Variants in LRRTM4 observed in about 807,000 individuals in gnomAD.
The protein encoded by LRRTM4 is leucine-rich repeat transmembrane neuronal protein 4.
A neutral mutation model predicts 47.6 loss-of-function variants in LRRTM4; 25 were observed. The observed-to-expected ratio is 0.53, with a 90% CI of 0.38 to 0.73. The LOEUF is 0.73. Ranked by LOEUF, LRRTM4 falls within the 30% of genes least tolerant of loss-of-function variation. The probability of loss-of-function intolerance (pLI) is 0.00; values close to 1 mark genes in which losing one functional copy is unlikely to be tolerated. For missense variants in LRRTM4, 638 were observed against 713.4 expected (o/e 0.89, Z 1.20); for synonymous variants, 311 against 269.5 (o/e 1.15, Z -1.51).
chr2:76,919,558 G>A (rs750687154), intron 3 of LRRTM4, among the ~76,000 whole-genome samples: 1 of 152,088 alleles, frequency 6.6e-6, no homozygotes, highest in Non-Finnish European at 1.5e-5. Flanking sequence ...GTTTGAAGCT[G>A]CGGCCCTCAT....
At chr2:76,884,180 TTGAGA>T (rs1219263235) in intron 3 of LRRTM4, among the ~76,000 whole-genome samples, 3 of 152,168 alleles carry the variant, frequency 2.0e-5, no homozygotes, top group African/African-American at 4.8e-5. Flanking sequence ...GCTAGACTTC[TTGAGA>T]TATTTTCTCA....
intron 3 of LRRTM4, among the ~76,000 whole-genome samples, chr2:77,494,125 T>G (rs1334712053): frequency 1.3e-5 from 2 of 152,018 alleles, no homozygotes; most frequent in African/African-American, 4.8e-5. Context: ...CTGGGAGAAA[T>G]AGAGTATTTT....
intron 3 of LRRTM4, among the ~76,000 whole-genome samples, chr2:77,151,988 C>G: frequency 6.6e-6 from 1 of 151,976 alleles, no homozygotes; most frequent in Non-Finnish European, 1.5e-5. Flanking sequence ...CACATGTAGG[C>G]AAGAAGGATG....
intron 3 of LRRTM4, among the ~76,000 whole-genome samples, chr2:77,273,152 T>G (rs1358368661): frequency 6.6e-6 from 1 of 152,156 alleles, no homozygotes; most frequent in Non-Finnish European, 1.5e-5. Flanking sequence ...TATCCTTAAT[T>G]TAATGGAAGA....
At chr2:77,132,747 C>T (rs1251929802) in intron 3 of LRRTM4, among the ~76,000 whole-genome samples, 1 of 152,186 alleles carries the variant, frequency 6.6e-6, no homozygotes, top group Non-Finnish European at 1.5e-5. Flanking sequence ...AATGAATCAG[C>T]TCCTAAAGTC....
chr2:77,057,073 T>C (rs1202610466), intron 3 of LRRTM4, among the ~76,000 whole-genome samples: 1 of 152,246 alleles, frequency 6.6e-6, no homozygotes, highest in African/African-American at 2.4e-5. Flanking sequence ...GAGTACTGTA[T>C]GGTCTACAAA....
chr2:76,995,109 T>C (rs990242917), intron 3 of LRRTM4, among the ~76,000 whole-genome samples: 1 of 152,016 alleles, frequency 6.6e-6, no homozygotes, highest in Non-Finnish European at 1.5e-5. Flanking sequence ...TTTTGAAGTG[T>C]GCTCTGTAGA....
chr2:76,920,489 G>A (rs1047788995), intron 3 of LRRTM4, among the ~76,000 whole-genome samples: 2 of 152,038 alleles, frequency 1.3e-5, no homozygotes, highest in African/African-American at 2.4e-5. Flanking sequence ...CTGACATTGA[G>A]GTTTTAGTGA....
At chr2:77,052,392 C>G (rs1289120478) in intron 3 of LRRTM4, among the ~76,000 whole-genome samples, 1 of 151,860 alleles carries the variant, frequency 6.6e-6, no homozygotes, top group African/African-American at 2.4e-5. Context: ...TGGTCTCGAT[C>G]TCCTGACCTC....
intron 3 of LRRTM4, among the ~76,000 whole-genome samples, chr2:76,781,100 G>GA (rs1674359598): frequency 6.6e-6 from 1 of 152,272 alleles, no homozygotes; most frequent in African/African-American, 2.4e-5. Context: ...TGAGGAGGCA[G>GA]TCTGCCCATT....
At chr2:77,491,173 A>G (rs763423544) in intron 3 of LRRTM4, among the ~76,000 whole-genome samples, 7 of 152,180 alleles carry the variant, frequency 4.6e-5, no homozygotes, top group Non-Finnish European at 1.0e-4. Flanking sequence ...GAAAAAGTCT[A>G]CATTAAATAA....
intron 3 of LRRTM4, among the ~76,000 whole-genome samples, chr2:76,825,233 T>A (rs1671158672): frequency 6.6e-6 from 1 of 151,664 alleles, no homozygotes; most frequent in East Asian, 1.9e-4. Context: ...GTCTTCTATA[T>A]GCTGGGTGGA....
intron 3 of LRRTM4, among the ~76,000 whole-genome samples, chr2:77,232,178 A>T (rs1674982963): frequency 6.6e-6 from 1 of 151,970 alleles, no homozygotes; most frequent in African/African-American, 2.4e-5. Context: ...TGTCAAATCT[A>T]CTCTGCCTGT....
At chr2:77,213,795 C>T (rs1674361237) in intron 3 of LRRTM4, among the ~76,000 whole-genome samples, 1 of 152,062 alleles carries the variant, frequency 6.6e-6, no homozygotes, top group African/African-American at 2.4e-5. Context: ...ACTTGGCAGC[C>T]TTGGGACGGT....
At chr2:77,232,187 G>A (rs1428947439) in intron 3 of LRRTM4, among the ~76,000 whole-genome samples, 1 of 152,186 alleles carries the variant, frequency 6.6e-6, no homozygotes, top group Non-Finnish European at 1.5e-5. Context: ...TACTCTGCCT[G>A]TGAGTGTGTT....
intron 3 of LRRTM4, among the ~76,000 whole-genome samples, chr2:77,108,805 G>A (rs1052281660): frequency 2.6e-5 from 4 of 151,730 alleles, no homozygotes; most frequent in Admixed American, 6.6e-5. Flanking sequence ...GGATGGTCTC[G>A]ATCTCCTGAC....
intron 3 of LRRTM4, among the ~76,000 whole-genome samples, chr2:77,069,448 T>A (rs1680077923): frequency 2.6e-5 from 4 of 151,448 alleles, no homozygotes; most frequent in African/African-American, 9.7e-5. Flanking sequence ...TTTGTGTGTG[T>A]TGGAAGAGTT....
At chr2:77,040,472 G>C (rs1678989635) in intron 3 of LRRTM4, among the ~76,000 whole-genome samples, 1 of 151,340 alleles carries the variant, frequency 6.6e-6, no homozygotes, top group South Asian at 2.1e-4. Context: ...AGTAAATTTA[G>C]TAAAGAGAGA....
intron 3 of LRRTM4, among the ~76,000 whole-genome samples, chr2:77,109,018 T>C (rs1314327335): frequency 6.6e-6 from 1 of 152,104 alleles, no homozygotes; most frequent in African/African-American, 2.4e-5. Context: ...TACACTAAAA[T>C]AAATAAAAGA....
Sources: gnomAD v4.1 joint callset for allele counts (sites outside exome capture counted in the v4.1 genomes callset) on GRCh38, gnomAD v4.1.1 for gene constraint, MANE v1.5 for transcripts, NCBI Gene and HGNC (gene_info 2026-07-23, HGNC 2026-07-21) for gene names.